The following PDE4D variants were observed in gnomAD, a reference collection of about 807,000 sequenced individuals.
PDE4D encodes the protein phosphodiesterase 4D, also known as 3',5'-cyclic-AMP phosphodiesterase 4D.
A neutral mutation model predicts 87.4 loss-of-function variants in PDE4D; 24 were observed. The ratio of observed to expected loss-of-function variants is 0.27; its 90% CI spans 0.20 to 0.39. The LOEUF (loss-of-function observed/expected upper bound fraction) is 0.39. Among genes scored for constraint, PDE4D ranks in the 10% least tolerant of loss-of-function variants. The probability of loss-of-function intolerance (pLI) is 1.00; values close to 1 mark genes in which losing one functional copy is unlikely to be tolerated. For missense variants in PDE4D, 714 were observed against 1,041.0 expected, an observed-to-expected ratio of 0.69 and a Z score of 4.32; for synonymous variants, 384 against 383.2, an observed-to-expected ratio of 1.00 and a Z score of -0.02.
At chr5:59,172,072 A>T (rs58345393) in intron 5 of PDE4D, among the ~76,000 whole-genome samples, 18 of 3,226 alleles carry the variant, frequency 5.6e-3, no homozygotes, top group East Asian at 0.03. Flanking sequence ...ATATATAATA[A>T]ATATATATTA....
At chr5:59,149,720 T>TTTTTC (rs1779202330) in intron 5 of PDE4D, among the ~76,000 whole-genome samples, 1 of 148,474 alleles carries the variant, frequency 6.7e-6, no homozygotes, top group African/African-American at 2.5e-5. Context: ...TTTTTTTTTT[T>TTTTTC]TTTTTTTTTT....
At chr5:59,960,372 C>A (rs191731840) in intron 3 of PDE4D, among the ~76,000 whole-genome samples, 4 of 152,132 alleles carry the variant, frequency 2.6e-5, no homozygotes, top group Admixed American at 1.3e-4. Context: ...GGAAAATAAA[C>A]CATCCTACCA....
In PDE4D at chr5:59,331,221, C is replaced by T. The variant is rs532059549; in HGVS notation, c.456-115253G>A. Among the ~76,000 whole-genome samples the T allele has an allele frequency of 2.6e-5, 4 of 152,268 alleles. No homozygotes were observed. The East Asian group carries it at 7.7e-4, about 29-fold the overall frequency. On this transcript the variant is annotated intron_variant, in intron 1 of 14. Coordinates refer to ENST00000340635, the MANE Select transcript of PDE4D (RefSeq NM_001104631.2). ...TCCCTAGGGCTGCCATTACAAAATA[C>T]CACAGACTTAGGTGGCTTTAACAAT...
intron 1 of PDE4D, among the ~76,000 whole-genome samples, chr5:60,263,495 G>A (rs1468814131): frequency 2.0e-5 from 3 of 151,592 alleles, no homozygotes; most frequent in Non-Finnish European, 4.4e-5. Context: ...GTAGCAGTGG[G>A]AGATGCAGTT....
intron 11 of PDE4D, among the ~76,000 whole-genome samples, chr5:58,983,419 C>T (rs552920086): frequency 4.6e-5 from 7 of 152,300 alleles, no homozygotes; most frequent in African/African-American, 1.2e-4. Context: ...GATGAAATGT[C>T]GTACATGCCC....
rs545285694 is a variant in PDE4D, at chr5:59,825,393, T to C, written c.455+67775A>G. ...GAGTTAAGAAGAATACAGCATGCCA[T>C]GTCTGCCTTGTTGGTGGTGGCACTG... is the stretch of plus-strand genomic sequence containing the variant. On this transcript the variant is annotated intron_variant, in intron 1 of 14. Coordinates refer to ENST00000340635, the MANE Select transcript of PDE4D (RefSeq NM_001104631.2). Among the ~76,000 whole-genome samples the C allele has an allele frequency of 6.6e-5, 10 of 152,232 alleles. No homozygotes were observed. The South Asian group carries it at 1.2e-3, about 19-fold the overall frequency.
intron 2 of PDE4D, 84 bp downstream of exon 2, chr5:59,215,693 C>G (rs950957779): frequency 3.9e-5 from 46 of 1,174,324 alleles, no homozygotes; most frequent in Non-Finnish European, 5.7e-5. Flanking sequence ...TACAGTTGAA[C>G]AAAAGTCATT....
intron 1 of PDE4D, among the ~76,000 whole-genome samples, chr5:59,744,842 T>A (rs1759376127): frequency 6.6e-6 from 1 of 152,184 alleles, no homozygotes; most frequent in Non-Finnish European, 1.5e-5. Flanking sequence ...AAAGACAGTG[T>A]TGTATTTTTT....
At chr5:60,179,143 A>G (rs1031063333) in intron 2 of PDE4D, among the ~76,000 whole-genome samples, 18 of 152,158 alleles carry the variant, frequency 1.2e-4, no homozygotes, top group African/African-American at 4.1e-4. Context: ...TTCTTATGCT[A>G]TAAGTAGGGC....
rs549009379 is a variant in PDE4D at position 60,051,089 on chromosome 5, T to C, written c.43-62372A>G. Among the ~76,000 whole-genome samples, 6 of 151,982 alleles carry C rather than the reference T, an allele frequency of 3.9e-5. No individual in the cohort carries two copies. In the East Asian group the frequency reaches 5.8e-4, roughly 15 times the overall value. ...ACTTTTAGACTCCCACACAATAATA[T>C]TGGGAGACTTTAACACCCCACTGTC... On this transcript the variant is annotated intron_variant, in intron 2 of 16. Coordinates refer to the PDE4D transcript ENST00000502484.
At chr5:59,663,607 A>G (rs1485079477) in intron 1 of PDE4D, among the ~76,000 whole-genome samples, 1 of 152,214 alleles carries the variant, frequency 6.6e-6, no homozygotes, top group East Asian at 1.9e-4. Context: ...ATTAGATTTT[A>G]TAATAACAAT....
At chr5:60,399,675 A>G (rs982386279) in intron 1 of PDE4D, among the ~76,000 whole-genome samples, 1 of 152,244 alleles carries the variant, frequency 6.6e-6, no homozygotes, top group Non-Finnish European at 1.5e-5. Flanking sequence ...CCAGGCCAGT[A>G]GGTCCAGCAG....
Position 60,285,816 on chromosome 5 carries a change from T to A in PDE4D, c.-89-100129A>T, listed in dbSNP as rs1752369196. Reference sequence around the variant, plus strand: ...CTTGAGAATTCCTTTCAGGTCTATTTGTACAAACCCTGGCATGTGAGTGGC... The same window carrying A: ...CTTGAGAATTCCTTTCAGGTCTATTAGTACAAACCCTGGCATGTGAGTGGC... On this transcript the variant is annotated intron_variant, in intron 1 of 16. Transcript: ENST00000502484. Among the ~76,000 whole-genome samples the A allele has an allele frequency of 2.6e-5, 4 of 152,248 alleles. No homozygotes were observed. The South Asian group carries it at 6.2e-4, about 24-fold the overall frequency.
At chr5:59,792,432 G>GTGTGTGTGTGTT (rs1382485286) in intron 1 of PDE4D, among the ~76,000 whole-genome samples, 6 of 151,856 alleles carry the variant, frequency 4.0e-5, no homozygotes, top group African/African-American at 1.5e-4. Flanking sequence ...GTGTGTGTGT[G>GTGTGTGTGTGTT]TGTGTGTTTT....
intron 1 of PDE4D, among the ~76,000 whole-genome samples, chr5:59,241,825 T>C (rs2153522837): frequency 6.6e-6 from 1 of 152,306 alleles, no homozygotes; most frequent in Middle Eastern, 3.4e-3. Context: ...CAGTACATTT[T>C]GAAATGACTA....
At chr5:58,989,653 T>A in intron 10 of PDE4D, 102 bp downstream of exon 10, 1 of 655,026 alleles carries the variant, frequency 1.5e-6, no homozygotes, top group Non-Finnish European at 2.6e-6. Flanking sequence ...ATACTTCCAA[T>A]GAATCCAATT....
At chr5:59,347,221 C>A (rs1427855835) in intron 1 of PDE4D, among the ~76,000 whole-genome samples, 1 of 152,108 alleles carries the variant, frequency 6.6e-6, no homozygotes, top group Non-Finnish European at 1.5e-5. Context: ...TAAATCCCTC[C>A]TCCCAGCCAG....
intron 1 of PDE4D, among the ~76,000 whole-genome samples, chr5:59,576,777 C>A (rs1823232138): frequency 1.3e-5 from 2 of 152,154 alleles, no homozygotes; most frequent in African/African-American, 2.4e-5. Context: ...GGCAACTTAG[C>A]ATTCAACCTC....
intron 1 of PDE4D, among the ~76,000 whole-genome samples, chr5:60,227,436 C>G (rs1471770607): frequency 1.3e-5 from 2 of 151,776 alleles, no homozygotes; most frequent in Non-Finnish European, 2.9e-5. Flanking sequence ...ATCCTTAGCA[C>G]CCGGATGAGT....
Sources: allele counts gnomAD v4.1 joint callset (sites outside exome capture counted in the v4.1 genomes callset), GRCh38; gene constraint gnomAD v4.1.1; transcripts MANE v1.5; gene names NCBI Gene and HGNC (gene_info 2026-07-23, HGNC 2026-07-21).